Variants in TRDN observed in about 807,000 individuals in gnomAD.
TRDN encodes the protein triadin in skeletal muscle.
In TRDN, 161 loss-of-function variants were observed where a neutral mutation model predicts 149.7. The ratio of observed to expected loss-of-function variants is 1.08; its 90% CI spans 0.95 to 1.23. The LOEUF is 1.23. Among genes scored for constraint, TRDN ranks in the 50% most tolerant of loss-of-function variants. The pLI, the probability that TRDN is intolerant of heterozygous loss-of-function variation, is 0.00. For synonymous variants in TRDN, 294 were observed against 250.5 expected (o/e 1.17, Z -1.64); for missense variants, 896 against 823.5 (o/e 1.09, Z -1.08).
At chr6:123,355,308 C>T (rs2114311622) in intron 20 of TRDN, among the ~76,000 whole-genome samples, 1 of 151,702 alleles carries the variant, frequency 6.6e-6, no homozygotes, top group South Asian at 2.1e-4. Context: ...TCCTTTGTAA[C>T]TAATGCTTTT....
At chr6:123,259,508 T>A in intron 35 of TRDN, 116 bp downstream of exon 35, 1 of 677,756 alleles carries the variant, frequency 1.5e-6, no homozygotes, top group Non-Finnish European at 2.5e-6. Flanking sequence ...TGCTATAAAA[T>A]CAGTGTCTTC....
Position 123,266,423 on chromosome 6 carries a change from G to T in TRDN, c.1784-1085C>A, listed in dbSNP as rs1409820247. Reference sequence around the variant, plus strand: ...GTATTATATATAATATATAGATTATGATATGTATTATATATAATATATAGA... The same window carrying T: ...GTATTATATATAATATATAGATTATTATATGTATTATATATAATATATAGA... On this transcript the variant is annotated intron_variant, in intron 32 of 40. Coordinates refer to ENST00000334268, the MANE Select transcript of TRDN (RefSeq NM_006073.4). 2.5e-4 allele frequency among the ~76,000 whole-genome samples: 24 copies of T among 95,494 alleles called. 3 individuals carry two copies. Among genetic ancestry groups the T allele is most frequent in the Admixed American group, 3.2e-4 (2 of 6,200 alleles). 62.6% of individuals were successfully genotyped at this position (95,494 alleles called of 152,430 possible).
At chr6:123,300,624 G>A (rs1778364709) in intron 24 of TRDN, among the ~76,000 whole-genome samples, 1 of 151,786 alleles carries the variant, frequency 6.6e-6, no homozygotes, top group Non-Finnish European at 1.5e-5. Context: ...GTTCTTCTAA[G>A]CTCCTGAAGA....
chr6:123,559,345 A>G (rs1781851033), intron 2 of TRDN, among the ~76,000 whole-genome samples: 1 of 152,072 alleles, frequency 6.6e-6, no homozygotes. Flanking sequence ...ATACTCTTTT[A>G]AGCACTCCTT....
intron 1 of TRDN, among the ~76,000 whole-genome samples, chr6:123,623,369 G>T (rs1429438858): frequency 1.3e-5 from 2 of 152,048 alleles, no homozygotes; most frequent in African/African-American, 4.8e-5. Context: ...CTCCTTTGAA[G>T]CTACCACTAG....
intron 12 of TRDN, among the ~76,000 whole-genome samples, chr6:123,435,542 AAC>A (rs57976353): frequency 0.019 from 2,802 of 149,928 alleles, 91 homozygotes; most frequent in African/African-American, 0.063. Flanking sequence ...CACAAACACA[AAC>A]ACACACACAC....
At chr6:123,221,017 T>A (rs11154146) in intron 40 of TRDN, among the ~76,000 whole-genome samples, 82,424 of 151,556 alleles carry the variant, frequency 0.54, 23,644 homozygotes, top group African/African-American at 0.73. Flanking sequence ...GATCCCAAAG[T>A]TTGAATATTT....
chr6:123,476,077 G>A (rs967576956), intron 9 of TRDN, among the ~76,000 whole-genome samples: 8 of 136,908 alleles, frequency 5.8e-5, no homozygotes, highest in African/African-American at 8.3e-5. Context: ...GGCAGGAGAA[G>A]GAAATAAATG....
intron 24 of TRDN, among the ~76,000 whole-genome samples, chr6:123,279,877 A>C (rs568152500): frequency 6.6e-6 from 1 of 152,258 alleles, no homozygotes; most frequent in African/African-American, 2.4e-5. Context: ...CTATCCTAGT[A>C]ACTTTTTCTT....
intron 24 of TRDN, among the ~76,000 whole-genome samples, chr6:123,310,066 G>A (rs1778759477): frequency 6.6e-6 from 1 of 151,996 alleles, no homozygotes; most frequent in Non-Finnish European, 1.5e-5. Context: ...AGTTTTGTGG[G>A]TAGCTGCTTA....
In TRDN at chr6:123,548,437, C is replaced by T; in HGVS notation, c.391+17G>A. 6.6e-7 allele frequency: 1 copy of T among 1,512,604 alleles called. No homozygotes were observed. Among genetic ancestry groups the T allele is most frequent in the South Asian group, 1.4e-5 (1 of 72,402 alleles). 93.7% of individuals were successfully genotyped at this position (1,512,604 alleles called of 1,614,324 possible). On this transcript the variant is annotated intron_variant, in intron 3 of 40. Transcript: ENST00000334268. ...TGTTGCTCCTAGCAGTTAGATATAT[C>T]TCTATGTTCTTTGTACCTTTATCAG...
At chr6:123,520,300 G>C (rs1315700587) in intron 5 of TRDN, among the ~76,000 whole-genome samples, 1 of 152,110 alleles carries the variant, frequency 6.6e-6, no homozygotes, top group Non-Finnish European at 1.5e-5. Context: ...TTTCAGAGCT[G>C]ATAGGAATAT....
chr6:123,326,451 T>C (rs552650743), intron 23 of TRDN, among the ~76,000 whole-genome samples: 1 of 124,428 alleles, frequency 8.0e-6, no homozygotes, highest in African/African-American at 3.2e-5. Flanking sequence ...TTCTAACATG[T>C]TGAAGCAATT....
intron 39 of TRDN, among the ~76,000 whole-genome samples, chr6:123,222,197 G>T (rs909646130): frequency 6.6e-6 from 1 of 151,384 alleles, no homozygotes; most frequent in Non-Finnish European, 1.5e-5. Flanking sequence ...GTGAGAGAGT[G>T]TGTGTGTGTG....
intron 10 of TRDN, among the ~76,000 whole-genome samples, chr6:123,453,747 A>G (rs373914383): frequency 1.3e-5 from 2 of 152,140 alleles, no homozygotes; most frequent in African/African-American, 2.4e-5. Context: ...CAGCAATCCC[A>G]CTACTGAGTA....
chr6:123,443,150 G>A (rs912198395), intron 10 of TRDN, among the ~76,000 whole-genome samples: 10 of 151,328 alleles, frequency 6.6e-5, no homozygotes, highest in Non-Finnish European at 1.5e-4. Context: ...TTTTGATATG[G>A]CTTAAAATTG....
At chr6:123,489,617 T>A (rs538710996) in intron 9 of TRDN, 1 of 152,306 alleles carries the variant, frequency 6.6e-6, no homozygotes, top group African/African-American at 2.4e-5. Context: ...TAAGGCACTT[T>A]ATGGAAACTT....
At chr6:123,425,253 GTGTGTGTGTGTGTGTGTGTGTGTGTA>G (rs1250607335) in intron 12 of TRDN, among the ~76,000 whole-genome samples, 1 of 149,500 alleles carries the variant, frequency 6.7e-6, no homozygotes, top group African/African-American at 2.4e-5. Context: ...GTGTGTGTGT[GTGTGTGTGTGTGTGTGTGTGTGTGTA>G]TGTGTAGATG....
chr6:123,276,750 C>T (rs1777380698), intron 26 of TRDN, among the ~76,000 whole-genome samples: 1 of 152,114 alleles, frequency 6.6e-6, no homozygotes, highest in Admixed American at 6.6e-5. Context: ...TTGAATGTGA[C>T]ACTAGTCAGG....
Sources: allele counts gnomAD v4.1 joint callset (sites outside exome capture counted in the v4.1 genomes callset), GRCh38; gene constraint gnomAD v4.1.1; transcripts MANE v1.5; gene names NCBI Gene and HGNC (gene_info 2026-07-23, HGNC 2026-07-21).